Variants in EEPD1 observed in about 807,000 individuals in gnomAD.
The protein encoded by EEPD1 is endonuclease/exonuclease/phosphatase family domain containing 1.
Under a neutral mutation model 46.3 loss-of-function variants are expected in EEPD1, and 17 were observed. The ratio of observed to expected loss-of-function variants is 0.37; its 90% CI spans 0.25 to 0.55. EEPD1 has a LOEUF of 0.55. Ranked by LOEUF, EEPD1 falls within the 20% of genes least tolerant of loss-of-function variation. The probability of loss-of-function intolerance (pLI) is 0.83; values close to 1 mark genes in which losing one functional copy is unlikely to be tolerated. For synonymous variants in EEPD1, 313 were observed against 315.6 expected, an observed-to-expected ratio of 0.99 and a Z score of 0.09; for missense variants, 673 against 745.6, an observed-to-expected ratio of 0.90 and a Z score of 1.13.
chr7:36,168,369 C>G (rs1785024287), intron 2 of EEPD1, among the ~76,000 whole-genome samples: 1 of 152,158 alleles, frequency 6.6e-6, no homozygotes, highest in Non-Finnish European at 1.5e-5. Context: ...AAGTGACGTA[C>G]TTGGTGAAAC....
In EEPD1 at chr7:36,245,420, T is replaced by C. The variant is rs184391036; in HGVS notation, c.930+6384T>C. On this transcript the variant is annotated intron_variant, in intron 3 of 7. Transcript: ENST00000242108. ...ATCACGTGTTCTGGGAAGAGGTGAATGGTGAACACAAGCCCAGTACATAGA... is the reference window on the plus strand; with the variant it reads ...ATCACGTGTTCTGGGAAGAGGTGAACGGTGAACACAAGCCCAGTACATAGA... 3.3e-5 allele frequency among the ~76,000 whole-genome samples: 5 copies of C among 152,280 alleles called. No homozygotes were observed. The East Asian group carries it at 7.7e-4, about 23-fold the overall frequency.
At chr7:36,208,064 G>A (rs1010318940) in intron 2 of EEPD1, among the ~76,000 whole-genome samples, 2 of 152,084 alleles carry the variant, frequency 1.3e-5, no homozygotes, top group Admixed American at 6.6e-5. Flanking sequence ...TCTCATCAGC[G>A]TGTTCCTCCT....
At chr7:36,253,631 C>G (rs958362432) in intron 3 of EEPD1, among the ~76,000 whole-genome samples, 2 of 152,126 alleles carry the variant, frequency 1.3e-5, no homozygotes, top group African/African-American at 4.8e-5. Flanking sequence ...TTATTAGCTA[C>G]ACATATATTT....
intron 2 of EEPD1, among the ~76,000 whole-genome samples, chr7:36,219,252 T>TA (rs1034510068): frequency 2.6e-5 from 4 of 151,870 alleles, no homozygotes; most frequent in Non-Finnish European, 5.9e-5. Flanking sequence ...CTTGTAGATT[T>TA]AAAAAATTCA....
At chr7:36,277,883 C>T (rs914851346) in intron 3 of EEPD1, among the ~76,000 whole-genome samples, 11 of 152,076 alleles carry the variant, frequency 7.2e-5, no homozygotes, top group African/African-American at 2.4e-4. Context: ...TTCAAGCATA[C>T]AGAATAAAGA....
chr7:36,159,717 G>A (rs193183813), intron 2 of EEPD1, among the ~76,000 whole-genome samples: 26 of 152,332 alleles, frequency 1.7e-4, no homozygotes, highest in Admixed American at 7.2e-4. Context: ...CTGAGATTGT[G>A]TCAGGCCTCT....
rs1562718171 is a variant in EEPD1 at position 36,301,113 on chromosome 7, C to A, written c.*1907C>A. ...AGCCTCCTTAAGTGAGCTGAGGGGACAGGAAATCCAATCAGATGACCTTTG... is the reference window on the plus strand; with the variant it reads ...AGCCTCCTTAAGTGAGCTGAGGGGAAAGGAAATCCAATCAGATGACCTTTG... On this transcript the variant is annotated 3_prime_UTR_variant, in exon 8 of 8. Coordinates refer to ENST00000242108, the MANE Select transcript of EEPD1 (RefSeq NM_030636.3). 2.6e-5 allele frequency: 4 copies of A among 152,202 alleles called. No homozygotes were observed. Among genetic ancestry groups the A allele is most frequent in the African/African-American group, 9.7e-5 (4 of 41,438 alleles). 9.4% of individuals were successfully genotyped at this position (152,202 alleles called of 1,614,324 possible).
Position 36,154,279 on chromosome 7 carries a change from C to G in EEPD1, c.-46C>G, listed in dbSNP as rs754346389. On this transcript the variant is annotated 5_prime_UTR_variant, in exon 2 of 8. Transcript: ENST00000242108. The surrounding 1 kb of genome is among the most constrained non-coding windows in gnomAD (Gnocchi z 4.2). ...GGGCTTCCTCCCTAGCCAGAGAGCT[C>G]TTCTGCAGTGGTGCGGCCTTCCCGG... The G allele has an allele frequency of 1.3e-6, 2 of 1,568,136 alleles. No individual in the cohort carries two copies. Among genetic ancestry groups the G allele is most frequent in the African/African-American group, 1.3e-5 (1 of 74,442 alleles).
chr7:36,220,079 TGGGG>T (rs963962907), intron 2 of EEPD1, among the ~76,000 whole-genome samples: 5 of 152,028 alleles, frequency 3.3e-5, no homozygotes, highest in African/African-American at 1.2e-4. Context: ...TCGTGGAGGA[TGGGG>T]ATGCTGTCCC....
chr7:36,183,125 C>G (rs1245483335), intron 2 of EEPD1, among the ~76,000 whole-genome samples: 1 of 152,188 alleles, frequency 6.6e-6, no homozygotes, highest in Non-Finnish European at 1.5e-5. Flanking sequence ...GCTCAAAGAC[C>G]AACTGTTCTA....
intron 2 of EEPD1, among the ~76,000 whole-genome samples, chr7:36,214,061 C>A (rs1785985328): frequency 6.6e-6 from 1 of 152,038 alleles, no homozygotes; most frequent in East Asian, 1.9e-4. Flanking sequence ...ACACCAGTGC[C>A]AATGATGAGA....
intron 3 of EEPD1, among the ~76,000 whole-genome samples, chr7:36,279,595 G>T (rs887327572): frequency 1.3e-5 from 2 of 152,234 alleles, no homozygotes; most frequent in African/African-American, 4.8e-5. Flanking sequence ...CAGCAGAGGC[G>T]TTGGGAGGCT....
chr7:36,239,254 G>A (rs2115783991), intron 3 of EEPD1, among the ~76,000 whole-genome samples: 1 of 152,274 alleles, frequency 6.6e-6, no homozygotes, highest in East Asian at 1.9e-4. Context: ...GGCTCCCTCT[G>A]GGTTGTGTGC....
chr7:36,252,834 T>A (rs1310770073), intron 3 of EEPD1, among the ~76,000 whole-genome samples: 1 of 57,348 alleles, frequency 1.7e-5, no homozygotes. Flanking sequence ...CTCTCCTTTT[T>A]TTTTTTTTTT....
Position 36,299,273 on chromosome 7 carries a change from G to A in EEPD1, c.*67G>A, listed in dbSNP as rs542902259. 2,380 of 1,549,392 alleles carry A rather than the reference G, an allele frequency of 1.5e-3. 4 individuals carry two copies. Among genetic ancestry groups the A allele is most frequent in the South Asian group, 4.0e-3 (339 of 83,942 alleles). On this transcript the variant is annotated 3_prime_UTR_variant, in exon 8 of 8. Coordinates refer to ENST00000242108, the MANE Select transcript of EEPD1 (RefSeq NM_030636.3). Reference sequence around the variant, plus strand: ...ACAGCCAAGGAATGAGCCCTGTGGGGTGACGCTTCAGGGCAGAGCTGCCTT... The same window carrying A: ...ACAGCCAAGGAATGAGCCCTGTGGGATGACGCTTCAGGGCAGAGCTGCCTT...
rs755793330 is a variant in EEPD1, at chr7:36,154,927, G to A, written c.603G>A (p.Arg201=). 3 of 1,614,000 alleles carry A rather than the reference G, an allele frequency of 1.9e-6. No individual in the cohort carries two copies. The East Asian group carries it at 6.7e-5, about 36-fold the overall frequency. ...ACCAGGTGTTTGCTGAGAGGTCCAG[G>A]CCCCCATCCACCCACACGAACGGGG... is the stretch of plus-strand genomic sequence containing the variant. The part of the protein sequence containing the change: ...IRHQVFAERS[R]PPSTHTNGGL... The change falls in exon 2 of 8, where the codon AGG becomes AGA. Residue 201 remains arginine, a synonymous_variant. Coordinates refer to ENST00000242108, the MANE Select transcript of EEPD1 (RefSeq NM_030636.3). This position sits in a 1 kb window ranked among gnomAD's most constrained non-coding sequence, Gnocchi z 4.2.
At chr7:36,298,537 A>T (rs1018191876) in intron 7 of EEPD1, among the ~76,000 whole-genome samples, 10 of 152,154 alleles carry the variant, frequency 6.6e-5, no homozygotes, top group African/African-American at 2.4e-4. Flanking sequence ...TAAAAATACC[A>T]TTACTTTCTC....
In EEPD1 at chr7:36,284,687, G is replaced by A. The variant is rs752444320; in HGVS notation, c.1043G>A (p.Gly348Glu). The change falls in exon 5 of 8, where the codon GGA (glycine) becomes GAA (glutamate). Residue 348 changes from glycine (G) to glutamate (E), a missense_variant and splice_region_variant. By Grantham distance (98) the Gly-to-Glu change is moderately conservative. Coordinates refer to ENST00000242108, the MANE Select transcript of EEPD1 (RefSeq NM_030636.3). ...AEKPSSQLQK[G>E]AGYAGFLWDA... Reference sequence around the variant, plus strand: ...ACTCTGTCTCCCTCTCCGCTGCAGGGAGCTGGGTATGCAGGATTCCTATGG... The same window carrying A: ...ACTCTGTCTCCCTCTCCGCTGCAGGAAGCTGGGTATGCAGGATTCCTATGG... The A allele has an allele frequency of 5.6e-6, 9 of 1,611,852 alleles. No homozygotes were observed. In the Admixed American group the frequency reaches 8.4e-5, roughly 15 times the overall value.
At position 36,284,718 on chromosome 7, in the gene EEPD1, G is replaced by A. The variant is rs772323105; in HGVS notation, c.1074G>A (p.Ala358=). The A allele has an allele frequency of 3.1e-5, 50 of 1,611,868 alleles. 1 individual carries two copies. In the South Asian group the frequency reaches 4.0e-4, roughly 13 times the overall value. ...GAGYAGFLWD[A]AAGMELRDAG... ...GGTATGCAGGATTCCTATGGGACGCGGCTGCCGGCATGGAGCTGAGAGACG... is the reference window on the plus strand; with the variant it reads ...GGTATGCAGGATTCCTATGGGACGCAGCTGCCGGCATGGAGCTGAGAGACG... The change falls in exon 5 of 8, where the codon GCG becomes GCA. Residue 358 remains alanine, a synonymous_variant. Coordinates refer to ENST00000242108, the MANE Select transcript of EEPD1 (RefSeq NM_030636.3).
Sources: gnomAD v4.1 joint callset for allele counts (sites outside exome capture counted in the v4.1 genomes callset) on GRCh38, gnomAD v4.1.1 for gene constraint, Gnocchi (gnomAD v3.1) non-coding constraint, MANE v1.5 for transcripts, NCBI Gene and HGNC (gene_info 2026-07-23, HGNC 2026-07-21) for gene names.